Variants in PRKG1 observed in about 807,000 individuals in gnomAD.
The protein encoded by PRKG1 is protein kinase cGMP-dependent 1.
A neutral mutation model predicts 88.1 loss-of-function variants in PRKG1; 35 were observed. That is an observed-to-expected ratio of 0.40 (90% CI 0.30 to 0.53). The LOEUF (loss-of-function observed/expected upper bound fraction) is 0.53. Among genes scored for constraint, PRKG1 ranks in the 20% least tolerant of loss-of-function variants. The pLI is 0.59. For missense variants in PRKG1, 540 were observed against 839.8 expected (o/e 0.64, Z 4.41); for synonymous variants, 303 against 292.5 (o/e 1.04, Z -0.37).
intron 1 of PRKG1, among the ~76,000 whole-genome samples, chr10:51,144,712 A>C (rs1256223492): frequency 6.6e-6 from 1 of 152,194 alleles, no homozygotes; most frequent in Non-Finnish European, 1.5e-5. Context: ...AATGTATTAA[A>C]GCCTTACGCA....
At chr10:51,897,197 G>C (rs903149770) in intron 4 of PRKG1, among the ~76,000 whole-genome samples, 1 of 152,194 alleles carries the variant, frequency 6.6e-6, no homozygotes, top group Non-Finnish European at 1.5e-5. Flanking sequence ...TAGCTATAAG[G>C]TTGAGGACCT....
chr10:51,229,939 A>AAG (rs1838794409), intron 2 of PRKG1, among the ~76,000 whole-genome samples: 3 of 145,278 alleles, frequency 2.1e-5, no homozygotes, highest in African/African-American at 7.6e-5. Context: ...AAAAAAAAAA[A>AAG]AAAAAAAAAG....
In PRKG1 at chr10:51,596,565, C is replaced by A. The variant is rs148710056; in HGVS notation, c.592+128729C>A. Among the ~76,000 whole-genome samples, 65 of 152,190 alleles carry A rather than the reference C, an allele frequency of 4.3e-4. No homozygotes were observed. In the East Asian group the frequency reaches 0.012, roughly 28 times the overall value. On this transcript the variant is annotated intron_variant, in intron 3 of 17. Transcript: ENST00000373980. ...CTCTTCCTCAAACAGCTCAGTCCTG[C>A]CTTTGTTTACTTAAAATGTATCCAA...
intron 14 of PRKG1, among the ~76,000 whole-genome samples, chr10:52,282,624 C>A (rs754911675): frequency 6.6e-6 from 1 of 152,000 alleles, no homozygotes; most frequent in Non-Finnish European, 1.5e-5. Flanking sequence ...AGCAATGAAA[C>A]AGGGGAGATG....
chr10:52,085,011 G>T (rs1846876253), intron 7 of PRKG1, among the ~76,000 whole-genome samples: 1 of 151,852 alleles, frequency 6.6e-6, no homozygotes, highest in African/African-American at 2.4e-5. Flanking sequence ...CTACATTGAG[G>T]TTATGTATTC....
chr10:51,837,217 C>T (rs902757196), intron 4 of PRKG1, among the ~76,000 whole-genome samples: 1 of 152,078 alleles, frequency 6.6e-6, no homozygotes, highest in African/African-American at 2.4e-5. Flanking sequence ...ATTATTTGCT[C>T]CGAGGGTAGA....
At chr10:52,001,164 A>G (rs1844585708) in intron 5 of PRKG1, among the ~76,000 whole-genome samples, 1 of 151,906 alleles carries the variant, frequency 6.6e-6, no homozygotes, top group Non-Finnish European at 1.5e-5. Flanking sequence ...CCATGTTTTT[A>G]CAAATGACAG....
chr10:51,566,811 C>T (rs183487931), intron 3 of PRKG1, among the ~76,000 whole-genome samples: 11 of 151,938 alleles, frequency 7.2e-5, no homozygotes, highest in African/African-American at 2.4e-4. Context: ...CCTGTGATCA[C>T]TGATTGTTCT....
chr10:51,241,222 T>C (rs1370372039), intron 2 of PRKG1, among the ~76,000 whole-genome samples: 1 of 151,904 alleles, frequency 6.6e-6, no homozygotes, highest in Non-Finnish European at 1.5e-5. Flanking sequence ...ATTCATAGGC[T>C]GATATTCTTA....
At position 51,487,018 on chromosome 10, in the gene PRKG1, A is replaced by G. The variant is rs116965230; in HGVS notation, c.592+19182A>G. ...GGGCATCACTAGATCTTGAGAGGGT[A>G]TTAAAGAGCATTTGCTAGATGTAAA... On this transcript the variant is annotated intron_variant, in intron 3 of 17. Coordinates refer to ENST00000373980, the MANE Select transcript of PRKG1 (RefSeq NM_006258.4). Among the ~76,000 whole-genome samples the G allele has an allele frequency of 5.8e-3, 886 of 152,096 alleles. 8 individuals are homozygous for G. The highest frequency in any genetic ancestry group is 9.1e-3 in the Non-Finnish European group (616 of 68,018).
At chr10:51,755,076 T>C (rs932676408) in intron 3 of PRKG1, among the ~76,000 whole-genome samples, 2 of 152,144 alleles carry the variant, frequency 1.3e-5, no homozygotes, top group African/African-American at 4.8e-5. Context: ...CTTTCTCTCA[T>C]TTTTTAAGTA....
rs1019908746 is a variant in PRKG1, at chr10:52,010,119, A to G, written c.763-44365A>G. On this transcript the variant is annotated intron_variant, in intron 5 of 17. Coordinates refer to ENST00000373980, the MANE Select transcript of PRKG1 (RefSeq NM_006258.4). ...ATTCTGGACAAAAGAATGGGCAAAG[A>G]TTTCATGACAAAGACACAAAAAGCA... 2.0e-5 allele frequency among the ~76,000 whole-genome samples: 3 copies of G among 152,312 alleles called. No individual in the cohort carries two copies. In the East Asian group the frequency reaches 5.8e-4, roughly 29 times the overall value.
intron 3 of PRKG1, among the ~76,000 whole-genome samples, chr10:51,549,155 G>GA (rs1842520860): frequency 1.7e-5 from 1 of 58,680 alleles, no homozygotes; most frequent in African/African-American, 5.2e-5. Flanking sequence ...ACAGAGTCTT[G>GA]CTCTGTCACC....
chr10:51,137,383 C>A (rs1352053933), intron 1 of PRKG1, among the ~76,000 whole-genome samples: 2 of 152,068 alleles, frequency 1.3e-5, no homozygotes, highest in Non-Finnish European at 2.9e-5. Flanking sequence ...CTGGATCATA[C>A]CCCAAGCTAA....
intron 9 of PRKG1, chr10:52,242,228 T>A (rs1306691563): frequency 6.6e-6 from 1 of 152,166 alleles, no homozygotes; most frequent in African/African-American, 2.4e-5. Context: ...TCACCAACTC[T>A]GGACCACCCT....
At chr10:51,262,624 C>T in intron 2 of PRKG1, among the ~76,000 whole-genome samples, 1 of 152,070 alleles carries the variant, frequency 6.6e-6, no homozygotes, top group East Asian at 1.9e-4. Context: ...GAGGCTGGGT[C>T]GTTTATAAAG....
intron 3 of PRKG1, among the ~76,000 whole-genome samples, chr10:51,668,207 G>A (rs918555367): frequency 1.3e-5 from 2 of 152,144 alleles, no homozygotes; most frequent in Admixed American, 1.3e-4. Context: ...ATGTCAGGAA[G>A]GTTAATGAGT....
At chr10:51,750,962 AT>A (rs1393059001) in intron 3 of PRKG1, among the ~76,000 whole-genome samples, 1 of 151,960 alleles carries the variant, frequency 6.6e-6, no homozygotes, top group Non-Finnish European at 1.5e-5. Flanking sequence ...TGAGGTGACT[AT>A]TTTTCATCAG....
intron 3 of PRKG1, among the ~76,000 whole-genome samples, chr10:51,792,944 G>A (rs1450414694): frequency 6.6e-6 from 1 of 151,856 alleles, no homozygotes; most frequent in Non-Finnish European, 1.5e-5. Context: ...AGTCTGTAAA[G>A]AGTAAAATAA....
Sources: allele counts gnomAD v4.1 joint callset (sites outside exome capture counted in the v4.1 genomes callset), GRCh38; gene constraint gnomAD v4.1.1; transcripts MANE v1.5; gene names NCBI Gene and HGNC (gene_info 2026-07-23, HGNC 2026-07-21).